Variants in MYO1B observed in about 807,000 individuals in gnomAD.
MYO1B encodes myosin IB.
In MYO1B, 72 loss-of-function variants were observed where a neutral mutation model predicts 159.7. That is an observed-to-expected ratio of 0.45 (90% CI 0.37 to 0.55). The LOEUF is 0.55. Ranked by LOEUF, MYO1B falls within the 20% of genes least tolerant of loss-of-function variation. The probability of loss-of-function intolerance (pLI) is 0.00; values close to 1 mark genes in which losing one functional copy is unlikely to be tolerated. For synonymous variants in MYO1B, 468 were observed against 473.8 expected, an observed-to-expected ratio of 0.99 and a Z score of 0.16; for missense variants, 1,062 against 1,364.8, an observed-to-expected ratio of 0.78 and a Z score of 3.50.
chr2:191,333,530 T>G (rs572675113), intron 4 of MYO1B, among the ~76,000 whole-genome samples: 1 of 152,258 alleles, frequency 6.6e-6, no homozygotes, highest in Non-Finnish European at 1.5e-5. Context: ...CATACCAGGC[T>G]CTCTCTTCCT....
At chr2:191,299,873 C>T (rs1180745388) in intron 3 of MYO1B, among the ~76,000 whole-genome samples, 2 of 152,116 alleles carry the variant, frequency 1.3e-5, no homozygotes, top group South Asian at 2.1e-4. Flanking sequence ...TGATCTAATA[C>T]GTATAAGGTG....
At chr2:191,416,079 C>A (rs759755011) in intron 29 of MYO1B, 36 bp from the exon 30 acceptor site, 1 of 1,601,404 alleles carries the variant, frequency 6.2e-7, no homozygotes, top group African/African-American at 1.3e-5. Flanking sequence ...TCTAAGGTAT[C>A]TTTAATTATG....
At chr2:191,359,932 T>C (rs1009373730) in intron 7 of MYO1B, among the ~76,000 whole-genome samples, 2 of 152,192 alleles carry the variant, frequency 1.3e-5, no homozygotes, top group Admixed American at 1.3e-4. Flanking sequence ...ACCTCAGATT[T>C]ATGGGTTGAA....
At chr2:191,370,351 A>G (rs1694281833) in intron 13 of MYO1B, 59 bp downstream of exon 13, 2 of 1,173,200 alleles carry the variant, frequency 1.7e-6, no homozygotes, top group South Asian at 2.5e-5. Flanking sequence ...TGGAAATTAA[A>G]TCCTGTATTA....
At chr2:191,390,586 T>C in intron 18 of MYO1B, 94 bp downstream of exon 18, 1 of 1,350,504 alleles carries the variant, frequency 7.4e-7, no homozygotes, top group Non-Finnish European at 9.9e-7. Flanking sequence ...AACAGAATTT[T>C]ATGAAAAACT....
At chr2:191,318,395 G>A (rs953762049) in intron 3 of MYO1B, among the ~76,000 whole-genome samples, 51 of 152,286 alleles carry the variant, frequency 3.3e-4, no homozygotes, top group African/African-American at 1.1e-3. Context: ...ATCAGTCTGA[G>A]TATATAGAAA....
rs183447289 is a variant in MYO1B, at chr2:191,301,544, G to T, written c.251+5318G>T. 3.4e-4 allele frequency among the ~76,000 whole-genome samples: 52 copies of T among 152,248 alleles called. No homozygotes were observed. In the East Asian group the frequency reaches 6.6e-3, roughly 19 times the overall value. On this transcript the variant is annotated intron_variant, in intron 3 of 30. Coordinates refer to ENST00000392318, the MANE Select transcript of MYO1B (RefSeq NM_001130158.3). ...CATAGAATTGATTCCGTGTCCCTAA[G>T]AGAAAGGTAAAATTTCCTTCAGGCT... is the stretch of plus-strand genomic sequence containing the variant.
At chr2:191,314,677 C>T (rs547090295) in intron 3 of MYO1B, among the ~76,000 whole-genome samples, 1 of 152,238 alleles carries the variant, frequency 6.6e-6, no homozygotes, top group South Asian at 2.1e-4. Flanking sequence ...TATTCAAGAA[C>T]TTAAAGTTGT....
chr2:191,295,785 G>A (rs989286365), intron 2 of MYO1B, among the ~76,000 whole-genome samples: 4 of 152,196 alleles, frequency 2.6e-5, no homozygotes, highest in African/African-American at 9.6e-5. Context: ...CTTGCTTACA[G>A]TTAGCAGTAG....
chr2:191,371,700 C>T (rs1458178852), intron 13 of MYO1B, among the ~76,000 whole-genome samples: 1 of 152,120 alleles, frequency 6.6e-6, no homozygotes, highest in African/African-American at 2.4e-5. Flanking sequence ...TAACAGGTTC[C>T]CCAGTATCTG....
intron 11 of MYO1B, among the ~76,000 whole-genome samples, chr2:191,364,940 T>C (rs1217080747): frequency 6.6e-6 from 1 of 152,226 alleles, no homozygotes; most frequent in Non-Finnish European, 1.5e-5. Flanking sequence ...TTTACTGATT[T>C]GGAGAAGACA....
intron 3 of MYO1B, among the ~76,000 whole-genome samples, chr2:191,318,965 C>T (rs530019527): frequency 6.6e-6 from 1 of 152,150 alleles, no homozygotes; most frequent in Non-Finnish European, 1.5e-5. Flanking sequence ...CAGGCTCTGA[C>T]TGGATTGGTG....
At chr2:191,316,505 A>AGTGT (rs144918104) in intron 3 of MYO1B, among the ~76,000 whole-genome samples, 1 of 151,680 alleles carries the variant, frequency 6.6e-6, no homozygotes, top group Non-Finnish European at 1.5e-5. Flanking sequence ...TATGTGAGTG[A>AGTGT]GTGTGTGTGT....
At chr2:191,262,045 C>A (rs912860090) in intron 1 of MYO1B, among the ~76,000 whole-genome samples, 1 of 152,174 alleles carries the variant, frequency 6.6e-6, no homozygotes, top group Non-Finnish European at 1.5e-5. Context: ...CTCTCTTCCA[C>A]CTCTGTCAAA....
intron 4 of MYO1B, among the ~76,000 whole-genome samples, chr2:191,339,244 A>G (rs1157966036): frequency 6.6e-6 from 1 of 152,180 alleles, no homozygotes; most frequent in Non-Finnish European, 1.5e-5. Flanking sequence ...AGAGCCTAGA[A>G]AGTATCCTGA....
intron 17 of MYO1B, among the ~76,000 whole-genome samples, chr2:191,388,535 G>C (rs1201973293): frequency 6.6e-6 from 1 of 152,056 alleles, no homozygotes; most frequent in African/African-American, 2.4e-5. Context: ...GAATATTTTT[G>C]TGTTTAGTTT....
chr2:191,300,360 G>A (rs1689239317), intron 3 of MYO1B, among the ~76,000 whole-genome samples: 1 of 143,272 alleles, frequency 7.0e-6, no homozygotes, highest in Admixed American at 6.9e-5. Flanking sequence ...TTTTTTTTGA[G>A]TCGGAGTCTC....
At chr2:191,315,333 A>G (rs552099562) in intron 3 of MYO1B, among the ~76,000 whole-genome samples, 8 of 152,326 alleles carry the variant, frequency 5.3e-5, no homozygotes, top group African/African-American at 1.9e-4. Flanking sequence ...ATTAATTGTT[A>G]TATTCCCCAC....
intron 1 of MYO1B, among the ~76,000 whole-genome samples, chr2:191,268,023 A>T (rs958318483): frequency 8.5e-5 from 13 of 152,200 alleles, no homozygotes; most frequent in Non-Finnish European, 1.6e-4. Flanking sequence ...GCTGTTAGGC[A>T]TGGGGCTTGT....
Sources: allele counts gnomAD v4.1 joint callset (sites outside exome capture counted in the v4.1 genomes callset), GRCh38; gene constraint gnomAD v4.1.1; transcripts MANE v1.5; gene names NCBI Gene and HGNC (gene_info 2026-07-23, HGNC 2026-07-21).